AGPS: variants seen among roughly 807,000 people sequenced by gnomAD.
AGPS encodes the protein alkyldihydroxyacetonephosphate synthase, peroxisomal.
AGPS carries 26 observed loss-of-function variants against 90.7 expected under a neutral mutation model. The ratio of observed to expected loss-of-function variants is 0.29; its 90% CI spans 0.21 to 0.40. AGPS has a LOEUF of 0.40. Ranked by LOEUF, AGPS falls within the 10% of genes least tolerant of loss-of-function variation. The pLI, the probability that AGPS is intolerant of heterozygous loss-of-function variation, is 1.00. For missense variants in AGPS, 540 were observed against 816.1 expected, an observed-to-expected ratio of 0.66 and a Z score of 4.12; for synonymous variants, 294 against 285.3, an observed-to-expected ratio of 1.03 and a Z score of -0.31.
rs143538996 is a variant in AGPS, at chr2:177,508,096, T to C, written c.1607+65T>C. ...GATATGAATTGCTTGAAGTAATGTT[T>C]CTTTTTGTGTGAATATGTAAGTTTA... On this transcript the variant is annotated intron_variant, in intron 16 of 19. Transcript: ENST00000264167. 5,277 of 1,234,364 alleles carry C rather than the reference T, an allele frequency of 4.3e-3. 33 individuals carry two copies. Among genetic ancestry groups the C allele is most frequent in the East Asian group, 0.023 (990 of 42,948 alleles). 76.5% of individuals were successfully genotyped at this position (1,234,364 alleles called of 1,614,324 possible).
chr2:177,472,484 T>C (rs958193109), intron 10 of AGPS, among the ~76,000 whole-genome samples: 3 of 152,154 alleles, frequency 2.0e-5, no homozygotes, highest in African/African-American at 7.2e-5. Context: ...GCTTGATTGA[T>C]GATATTTAAT....
At chr2:177,489,833 C>G (rs1282657822) in intron 11 of AGPS, among the ~76,000 whole-genome samples, 1 of 152,176 alleles carries the variant, frequency 6.6e-6, no homozygotes, top group Non-Finnish European at 1.5e-5. Flanking sequence ...CTGAATTTAT[C>G]ATTAACCCAT....
Position 177,499,600 on chromosome 2 carries a change from A to T in AGPS, c.1363-18A>T, listed in dbSNP as rs1045457124. ...GGATAAGACTTATCTGTAATAATAA[A>T]TTTTTTTTTTTTTGTAGTTTAAAGG... is the stretch of plus-strand genomic sequence containing the variant. On this transcript the variant is annotated intron_variant, in intron 13 of 19. Coordinates refer to ENST00000264167, the MANE Select transcript of AGPS (RefSeq NM_003659.4). The T allele has an allele frequency of 1.5e-3, 1,696 of 1,113,768 alleles. 13 individuals carry two copies. In the African/African-American group the frequency reaches 0.02, roughly 13 times the overall value. The allele number at this position is 1,113,768 out of a possible 1,614,324, so 69.0% of individuals were successfully genotyped here.
intron 14 of AGPS, among the ~76,000 whole-genome samples, chr2:177,505,154 G>C (rs1003933614): frequency 3.3e-5 from 5 of 152,006 alleles, no homozygotes; most frequent in Admixed American, 3.3e-4. Flanking sequence ...GTATTGGGGA[G>C]TTCCTAGTCG....
chr2:177,468,571 G>A, intron 10 of AGPS, 47 bp downstream of exon 10: 2 of 1,333,906 alleles, frequency 1.5e-6, no homozygotes, highest in South Asian at 1.2e-5. Context: ...GGTTAGTCAT[G>A]CAGTTTTGTG....
At chr2:177,491,006 C>T (rs899986303) in intron 11 of AGPS, among the ~76,000 whole-genome samples, 3 of 151,864 alleles carry the variant, frequency 2.0e-5, no homozygotes, top group African/African-American at 7.3e-5. Context: ...CAGGCATGCA[C>T]CACCACGGCT....
At chr2:177,397,880 A>G (rs1194649828) in intron 1 of AGPS, among the ~76,000 whole-genome samples, 1 of 152,080 alleles carries the variant, frequency 6.6e-6, no homozygotes, top group Admixed American at 6.5e-5. Flanking sequence ...ATACAAAGAA[A>G]GTTAGCCTGG....
intron 8 of AGPS, 78 bp from the exon 9 acceptor site, chr2:177,461,815 G>T: frequency 3.2e-6 from 4 of 1,238,794 alleles, no homozygotes; most frequent in Middle Eastern, 2.2e-4. Context: ...AAATTTTAAA[G>T]TGGGAGGAGT....
chr2:177,504,369 CTCT>C (rs1460105538), intron 14 of AGPS, among the ~76,000 whole-genome samples: 2 of 152,032 alleles, frequency 1.3e-5, no homozygotes, highest in African/African-American at 2.4e-5. Context: ...TGTGTTTTAT[CTCT>C]TCTTCTCACT....
intron 14 of AGPS, among the ~76,000 whole-genome samples, chr2:177,500,461 ATATT>A (rs1359051794): frequency 2.6e-5 from 4 of 151,938 alleles, no homozygotes; most frequent in Admixed American, 6.6e-5. Context: ...TTCTTTGTAA[ATATT>A]TATTTTCATT....
intron 7 of AGPS, among the ~76,000 whole-genome samples, chr2:177,443,511 A>C (rs1459429286): frequency 6.6e-6 from 1 of 152,252 alleles, no homozygotes; most frequent in African/African-American, 2.4e-5. Context: ...AGTTCCATAT[A>C]AAGTCTAGTT....
intron 10 of AGPS, among the ~76,000 whole-genome samples, chr2:177,475,109 C>T (rs1403261144): frequency 6.6e-6 from 1 of 152,088 alleles, no homozygotes; most frequent in African/African-American, 2.4e-5. Context: ...TGATTCATGC[C>T]TTAGGAATTT....
intron 18 of AGPS, among the ~76,000 whole-genome samples, chr2:177,522,982 A>ATT (rs941487212): frequency 1.3e-4 from 20 of 152,198 alleles, no homozygotes; most frequent in African/African-American, 4.1e-4. Context: ...CTCTTTAGTC[A>ATT]TTCTATATTT....
chr2:177,440,824 G>T, intron 5 of AGPS, 141 bp from the exon 6 acceptor site: 2 of 666,218 alleles, frequency 3.0e-6, no homozygotes, highest in South Asian at 1.8e-5. Context: ...AAGTGTTTTA[G>T]TACTCAATTA....
At chr2:177,438,889 T>A (rs1249439019) in intron 5 of AGPS, among the ~76,000 whole-genome samples, 1 of 152,138 alleles carries the variant, frequency 6.6e-6, no homozygotes, top group Non-Finnish European at 1.5e-5. Flanking sequence ...GAAGTCCAAG[T>A]TTTTCTTTGC....
intron 8 of AGPS, among the ~76,000 whole-genome samples, chr2:177,458,105 T>C (rs1017652908): frequency 6.6e-6 from 1 of 152,132 alleles, no homozygotes; most frequent in East Asian, 1.9e-4. Flanking sequence ...ATAATCTCAA[T>C]AGATGCAGAA....
chr2:177,426,791 G>A lies in AGPS; in HGVS notation c.350+6433G>A, dbSNP rs565893733. On this transcript the variant is annotated intron_variant, in intron 2 of 19. Transcript: ENST00000264167. ...TGCCAGTATTTTATTTAGGATTTTT[G>A]CATTGATGTTCATCAGGGATATTGG... Among the ~76,000 whole-genome samples, 4 of 152,238 alleles carry A rather than the reference G, an allele frequency of 2.6e-5. No homozygotes were observed. In the East Asian group the frequency reaches 7.7e-4, roughly 29 times the overall value.
chr2:177,439,484 T>C (rs551899896), intron 5 of AGPS, among the ~76,000 whole-genome samples: 2 of 152,302 alleles, frequency 1.3e-5, no homozygotes, highest in Non-Finnish European at 2.9e-5. Context: ...GTTTTGTGAA[T>C]TATTAATTAA....
intron 14 of AGPS, among the ~76,000 whole-genome samples, chr2:177,502,407 ATTTTTTT>A (rs71007998): frequency 3.7e-5 from 4 of 109,298 alleles, no homozygotes; most frequent in Non-Finnish European, 3.8e-5. Flanking sequence ...AGCCATTTCG[ATTTTTTT>A]TTTTTTTTTT....
Sources: allele counts gnomAD v4.1 joint callset (sites outside exome capture counted in the v4.1 genomes callset), GRCh38; gene constraint gnomAD v4.1.1; transcripts MANE v1.5; gene names NCBI Gene and HGNC (gene_info 2026-07-23, HGNC 2026-07-21).